ADAMTSL1: variants seen among roughly 807,000 people sequenced by gnomAD.
ADAMTSL1 encodes the protein ADAMTS like 1, also known as ADAMTS-like protein 1.
A neutral mutation model predicts 201.8 loss-of-function variants in ADAMTSL1; 126 were observed. That is an observed-to-expected ratio of 0.62 (90% CI 0.54 to 0.72). The LOEUF is 0.72. ADAMTSL1 is among the 30% of genes least tolerant of loss of function. The pLI, the probability that ADAMTSL1 is intolerant of heterozygous loss-of-function variation, is 0.00. For missense variants in ADAMTSL1, 2,679 were observed against 2,277.8 expected, an observed-to-expected ratio of 1.18 and a Z score of -3.59; for synonymous variants, 1,121 against 903.4, an observed-to-expected ratio of 1.24 and a Z score of -4.32.
intron 14 of ADAMTSL1, chr9:18,718,398 A>C (rs376012676): frequency 7.5e-5 from 52 of 696,218 alleles, no homozygotes; most frequent in East Asian, 5.4e-4. Context: ...ATCTACTTCA[A>C]CTTGCTTTCT....
chr9:18,077,144 C>T (rs533495646), intron 1 of ADAMTSL1, among the ~76,000 whole-genome samples: 2 of 152,038 alleles, frequency 1.3e-5, no homozygotes, highest in African/African-American at 2.4e-5. Flanking sequence ...TTTCTCATGC[C>T]TGTGAAATAT....
chr9:18,857,984 C>T (rs1291843411), intron 23 of ADAMTSL1, among the ~76,000 whole-genome samples: 1 of 152,074 alleles, frequency 6.6e-6, no homozygotes, highest in African/African-American at 2.4e-5. Context: ...AGTATTTAGA[C>T]ACCAAGATTT....
chr9:18,031,695 G>T (rs1356612613), intron 1 of ADAMTSL1, among the ~76,000 whole-genome samples: 1 of 152,144 alleles, frequency 6.6e-6, no homozygotes, highest in Non-Finnish European at 1.5e-5. Context: ...TCCAATCGTT[G>T]GCATTGTTCC....
intron 2 of ADAMTSL1, among the ~76,000 whole-genome samples, chr9:18,302,761 G>T (rs894809427): frequency 6.6e-6 from 1 of 152,154 alleles, no homozygotes; most frequent in Non-Finnish European, 1.5e-5. Flanking sequence ...TTAAGCATAA[G>T]GATCTTTTAA....
intron 5 of ADAMTSL1, among the ~76,000 whole-genome samples, chr9:18,626,843 C>CTT (rs781359062): frequency 2.5e-5 from 3 of 121,706 alleles, no homozygotes; most frequent in African/African-American, 7.0e-5. Flanking sequence ...CTTTCTTTTT[C>CTT]TTTCTTTCTT....
intron 1 of ADAMTSL1, among the ~76,000 whole-genome samples, chr9:17,975,902 G>T (rs1818427250): frequency 6.6e-6 from 1 of 151,928 alleles, no homozygotes; most frequent in African/African-American, 2.4e-5. Flanking sequence ...TCTGTGTTTG[G>T]GTAAGATAAA....
At chr9:18,734,475 A>G (rs1818397078) in intron 15 of ADAMTSL1, among the ~76,000 whole-genome samples, 1 of 152,218 alleles carries the variant, frequency 6.6e-6, no homozygotes, top group Non-Finnish European at 1.5e-5. Context: ...AAAATCCAGC[A>G]CAGCTCAGCA....
At chr9:18,600,888 C>G (rs2132536662) in intron 4 of ADAMTSL1, among the ~76,000 whole-genome samples, 1 of 152,258 alleles carries the variant, frequency 6.6e-6, no homozygotes, top group South Asian at 2.1e-4. Flanking sequence ...AACTATACAT[C>G]TCATTTACGT....
At chr9:18,446,228 T>C (rs1311875655) in intron 2 of ADAMTSL1, among the ~76,000 whole-genome samples, 1 of 152,204 alleles carries the variant, frequency 6.6e-6, no homozygotes, top group Non-Finnish European at 1.5e-5. Context: ...AGAAACTCTA[T>C]ATATGGGCTT....
intron 2 of ADAMTSL1, among the ~76,000 whole-genome samples, chr9:18,433,609 C>T (rs1223166317): frequency 1.3e-5 from 2 of 151,978 alleles, no homozygotes; most frequent in East Asian, 1.9e-4. Context: ...TCAGAAAGGT[C>T]GAATTCAAGG....
intron 2 of ADAMTSL1, among the ~76,000 whole-genome samples, chr9:18,262,522 C>A (rs930594857): frequency 1.3e-5 from 2 of 152,128 alleles, no homozygotes; most frequent in Non-Finnish European, 2.9e-5. Flanking sequence ...TACCACTGAG[C>A]TTCTTCTATT....
At chr9:18,727,020 CAG>C (rs761574659) in intron 15 of ADAMTSL1, among the ~76,000 whole-genome samples, 7 of 152,338 alleles carry the variant, frequency 4.6e-5, no homozygotes, top group Middle Eastern at 3.4e-3. Context: ...TGAAAGGTCA[CAG>C]AGTCTTCTCT....
At chr9:18,123,752 T>C (rs1825607991) in intron 1 of ADAMTSL1, among the ~76,000 whole-genome samples, 2 of 152,190 alleles carry the variant, frequency 1.3e-5, no homozygotes, top group African/African-American at 4.8e-5. Flanking sequence ...CCTGTAGCCA[T>C]TAGCAGACAC....
intron 2 of ADAMTSL1, among the ~76,000 whole-genome samples, chr9:18,410,945 G>A (rs1413942366): frequency 2.0e-5 from 3 of 150,684 alleles, no homozygotes; most frequent in South Asian, 2.1e-4. Context: ...AGGTTCAAGC[G>A]ATTCTCCTGC....
intron 1 of ADAMTSL1, among the ~76,000 whole-genome samples, chr9:18,111,183 CCTAA>C (rs1303266494): frequency 2.0e-5 from 3 of 152,106 alleles, no homozygotes; most frequent in Non-Finnish European, 2.9e-5. Flanking sequence ...GCTAAGTTCT[CCTAA>C]CTGTCTATGC....
chr9:18,116,816 T>G (rs892083859), intron 1 of ADAMTSL1, among the ~76,000 whole-genome samples: 1 of 152,226 alleles, frequency 6.6e-6, no homozygotes, highest in East Asian at 1.9e-4. Context: ...GCTGCACCCA[T>G]TAACTCATCA....
chr9:18,875,999 CTT>C lies in ADAMTSL1; in HGVS notation c.4250-11830_4250-11829del, dbSNP rs536252829. Among the ~76,000 whole-genome samples, 706 of 152,260 alleles carry C rather than the reference CTT, an allele frequency of 4.6e-3. 3 individuals are homozygous for C. The highest frequency in any genetic ancestry group is 7.7e-3 in the Admixed American group (117 of 15,294). ...TCCTTTTATCATTATATATGTCTCT[CTT>C]TGTCTTTTTTAACTGCTGTTGCTTT... On this transcript the variant is annotated intron_variant, in intron 23 of 28. Coordinates refer to ENST00000380548, the MANE Select transcript of ADAMTSL1 (RefSeq NM_001040272.6).
chr9:18,230,716 C>T (rs114419541), intron 2 of ADAMTSL1, among the ~76,000 whole-genome samples: 5 of 152,076 alleles, frequency 3.3e-5, no homozygotes, highest in African/African-American at 1.2e-4. Flanking sequence ...AACATACATG[C>T]ATTACTTTTT....
At position 18,892,427 on chromosome 9, in the gene ADAMTSL1, G is replaced by A; in HGVS notation, c.4682G>A (p.Cys1561Tyr). 1 of 1,613,638 alleles carries A rather than the reference G, an allele frequency of 6.2e-7. No homozygotes were observed. Among genetic ancestry groups the A allele is most frequent in the Non-Finnish European group, 8.5e-7 (1 of 1,179,810 alleles). ...TCCTGGTCTGCCTGTACCCGGAGCTGTGGGGGAGGTGTCCAGACCCGCAGG... is the reference window on the plus strand; with the variant it reads ...TCCTGGTCTGCCTGTACCCGGAGCTATGGGGGAGGTGTCCAGACCCGCAGG... The part of the protein sequence containing the change: ...VTSWSACTRS[C>Y]GGGVQTRRVT... The change falls in exon 26 of 29, where the codon TGT (cysteine) becomes TAT (tyrosine). Residue 1561 changes from cysteine to tyrosine, a missense_variant. Transcript: ENST00000380548.
Sources: allele counts gnomAD v4.1 joint callset (sites outside exome capture counted in the v4.1 genomes callset), GRCh38; gene constraint gnomAD v4.1.1; transcripts MANE v1.5; gene names NCBI Gene and HGNC (gene_info 2026-07-23, HGNC 2026-07-21).